STARD13: variants seen among roughly 807,000 people sequenced by gnomAD.
STARD13 encodes the protein StAR related lipid transfer domain containing 13.
In STARD13, 62 loss-of-function variants were observed where a neutral mutation model predicts 106.4. The observed-to-expected ratio is 0.58, with a 90% CI of 0.48 to 0.72. The LOEUF (loss-of-function observed/expected upper bound fraction) is 0.72, where lower values mean the gene tolerates loss of function less well. Ranked by LOEUF, STARD13 falls within the 30% of genes least tolerant of loss-of-function variation. STARD13 has a pLI of 0.00. For missense variants in STARD13, 1,387 were observed against 1,424.0 expected (o/e 0.97, Z 0.42); for synonymous variants, 565 against 553.0 (o/e 1.02, Z -0.31).
intron 1 of STARD13, among the ~76,000 whole-genome samples, chr13:33,209,459 C>CTTTT (rs59609576): frequency 5.9e-4 from 88 of 148,984 alleles, no homozygotes; most frequent in Middle Eastern, 3.4e-3. Context: ...CTCTCTCTCT[C>CTTTT]TTTTTTTTTT....
At chr13:33,621,536 C>T in the STARD13 span, among the ~76,000 whole-genome samples, 16 of 151,216 alleles carry the variant, frequency 1.1e-4, no homozygotes, top group Non-Finnish European at 1.6e-4. Context: ...AGAAATTAGC[C>T]GGGTGTGGTG....
chr13:33,413,850 G>A, the STARD13 span, among the ~76,000 whole-genome samples: 3 of 151,652 alleles, frequency 2.0e-5, no homozygotes, highest in African/African-American at 4.8e-5. Context: ...TGGCTAATAC[G>A]GTAAAACCCC....
At chr13:33,589,908 C>G in the STARD13 span, among the ~76,000 whole-genome samples, 2 of 152,074 alleles carry the variant, frequency 1.3e-5, no homozygotes, top group African/African-American at 4.8e-5. Context: ...GTGTTAAAGT[C>G]TCCCATTATT....
chr13:33,385,117 A>G, the STARD13 span, among the ~76,000 whole-genome samples: 1 of 143,660 alleles, frequency 7.0e-6, no homozygotes, highest in African/African-American at 2.6e-5. Context: ...GTTTGGAAGA[A>G]AGGTTCGGAA....
the STARD13 span, among the ~76,000 whole-genome samples, chr13:33,536,539 T>C: frequency 6.6e-6 from 1 of 152,192 alleles, no homozygotes; most frequent in African/African-American, 2.4e-5. Flanking sequence ...GCTGTCTTGG[T>C]AAGATAAAAA....
intron 3 of STARD13, among the ~76,000 whole-genome samples, chr13:33,145,535 T>A (rs74928083): frequency 1.3e-3 from 59 of 47,004 alleles, no homozygotes; most frequent in Non-Finnish European, 1.2e-4. Context: ...CTTTTTATAA[T>A]TTTTTTTTTG....
chr13:33,423,575 C>T, the STARD13 span, among the ~76,000 whole-genome samples: 1 of 152,078 alleles, frequency 6.6e-6, no homozygotes, highest in Non-Finnish European at 1.5e-5. Context: ...ACCATTTGAC[C>T]CAGCGATCCC....
the STARD13 span, among the ~76,000 whole-genome samples, chr13:33,470,005 T>A: frequency 6.4e-3 from 978 of 152,280 alleles, 10 homozygotes; most frequent in African/African-American, 0.021. Flanking sequence ...GCTGCACCCA[T>A]CAACCCATCA....
At chr13:33,220,948 C>T (rs1422595160) in intron 1 of STARD13, among the ~76,000 whole-genome samples, 1 of 152,044 alleles carries the variant, frequency 6.6e-6, no homozygotes, top group Non-Finnish European at 1.5e-5. Flanking sequence ...ATCGTTGGAG[C>T]AGTTAGAGGA....
intron 1 of STARD13, among the ~76,000 whole-genome samples, chr13:33,235,912 G>A (rs958838183): frequency 1.1e-4 from 16 of 152,204 alleles, no homozygotes; most frequent in African/African-American, 1.9e-4. Context: ...TGGATGTTCC[G>A]TTGGTAAATG....
intron 4 of STARD13, among the ~76,000 whole-genome samples, chr13:33,135,939 A>G (rs968765361): frequency 6.6e-6 from 1 of 152,162 alleles, no homozygotes; most frequent in Non-Finnish European, 1.5e-5. Flanking sequence ...CCTGACCAAC[A>G]TGGTGAAACC....
chr13:33,196,258 C>T (rs1019065609), intron 1 of STARD13, among the ~76,000 whole-genome samples: 6 of 151,988 alleles, frequency 3.9e-5, no homozygotes, highest in Non-Finnish European at 4.4e-5. Context: ...GGTGACACGA[C>T]GCATGCCTGT....
At chr13:33,350,540 G>C in exon 1 of STARD13, 1 of 1,437,198 alleles carries the variant, frequency 7.0e-7, no homozygotes, top group East Asian at 2.7e-5. Context: ...GACCCAATGC[G>C]GGCGCGACAT....
Position 33,253,784 on chromosome 13 carries a change from T to C in STARD13, c.169+31686A>G, listed in dbSNP as rs112041124. ...ATAAGCGTATCATCAAAGCCTGAAA[T>C]TGAACTTTCAAAATAGTACGATCTA... On this transcript the variant is annotated intron_variant, in intron 1 of 13. Transcript: ENST00000336934. 6.5e-3 allele frequency among the ~76,000 whole-genome samples: 986 copies of C among 152,136 alleles called. 12 individuals carry two copies. Among genetic ancestry groups the C allele is most frequent in the African/African-American group, 0.022 (929 of 41,506 alleles).
At chr13:33,220,037 T>C (rs1888268677) in intron 1 of STARD13, among the ~76,000 whole-genome samples, 1 of 152,200 alleles carries the variant, frequency 6.6e-6, no homozygotes, top group African/African-American at 2.4e-5. Context: ...CTTTTTGGCT[T>C]TAATGCCTGT....
At chr13:33,621,509 C>G in the STARD13 span, among the ~76,000 whole-genome samples, 1 of 151,672 alleles carries the variant, frequency 6.6e-6, no homozygotes, top group Non-Finnish European at 1.5e-5. Flanking sequence ...AACCCTGTCT[C>G]TACTAAAAAT....
the STARD13 span, among the ~76,000 whole-genome samples, chr13:33,588,947 G>A: frequency 3.3e-5 from 5 of 152,154 alleles, no homozygotes; most frequent in African/African-American, 1.2e-4. Flanking sequence ...AGCTAGTCTA[G>A]TGTAAGAGAC....
At chr13:33,393,405 A>T in the STARD13 span, among the ~76,000 whole-genome samples, 1 of 152,206 alleles carries the variant, frequency 6.6e-6, no homozygotes, top group African/African-American at 2.4e-5. Context: ...AGCATGGTGT[A>T]GTGGGCTGCG....
the STARD13 span, among the ~76,000 whole-genome samples, chr13:33,474,395 C>T: frequency 2.0e-5 from 3 of 152,306 alleles, no homozygotes; most frequent in African/African-American, 7.2e-5. Flanking sequence ...TGTCTGCAAG[C>T]TGCTGAGTTT....
Sources: gnomAD v4.1 joint callset for allele counts (sites outside exome capture counted in the v4.1 genomes callset) on GRCh38, gnomAD v4.1.1 for gene constraint, MANE v1.5 for transcripts, NCBI Gene and HGNC (gene_info 2026-07-23, HGNC 2026-07-21) for gene names.